The following ASTN1 variants were observed in gnomAD, a reference collection of about 807,000 sequenced individuals.
ASTN1 encodes the protein astrotactin 1, also known as astrotactin-1.
ASTN1 carries 41 observed loss-of-function variants against 140.7 expected under a neutral mutation model. The observed-to-expected ratio is 0.29, with a 90% CI of 0.23 to 0.38. The LOEUF is 0.38. Ranked by LOEUF, ASTN1 falls within the 10% of genes least tolerant of loss-of-function variation. The pLI is 1.00. For synonymous variants in ASTN1, 640 were observed against 652.2 expected (o/e 0.98, Z 0.29); for missense variants, 1,479 against 1,678.8 (o/e 0.88, Z 2.08).
intron 2 of ASTN1, among the ~76,000 whole-genome samples, chr1:177,035,357 G>C (rs1019806096): frequency 6.6e-6 from 1 of 152,134 alleles, no homozygotes; most frequent in Non-Finnish European, 1.5e-5. Flanking sequence ...AGGAGAGTAT[G>C]GATGAATACA....
intron 2 of ASTN1, among the ~76,000 whole-genome samples, chr1:177,044,180 C>A (rs1677105466): frequency 6.7e-6 from 1 of 150,110 alleles, no homozygotes; most frequent in Non-Finnish European, 1.5e-5. Context: ...AAAAAATACA[C>A]ACACACACAC....
At chr1:176,947,202 G>GA (rs1333403931) in intron 12 of ASTN1, among the ~76,000 whole-genome samples, 2 of 152,308 alleles carry the variant, frequency 1.3e-5, no homozygotes, top group Admixed American at 6.5e-5. Flanking sequence ...GTAGAAATGG[G>GA]AAAAAAGTAG....
At chr1:177,094,651 A>G (rs1448961569) in intron 1 of ASTN1, among the ~76,000 whole-genome samples, 1 of 152,214 alleles carries the variant, frequency 6.6e-6, no homozygotes, top group African/African-American at 2.4e-5. Context: ...ATTTTGTTAT[A>G]GCAGCCCGAA....
chr1:176,914,125 T>C (rs1220218003), intron 16 of ASTN1, among the ~76,000 whole-genome samples: 3 of 152,222 alleles, frequency 2.0e-5, no homozygotes, highest in Non-Finnish European at 4.4e-5. Context: ...ATAGTTCCTA[T>C]TTCAGAGATG....
intron 1 of ASTN1, among the ~76,000 whole-genome samples, chr1:177,160,121 G>A (rs1030582141): frequency 6.6e-6 from 1 of 152,060 alleles, no homozygotes; most frequent in Non-Finnish European, 1.5e-5. Context: ...AAAAAGAAAC[G>A]ATTTTGAAAA....
intron 2 of ASTN1, among the ~76,000 whole-genome samples, chr1:177,039,717 AGTGATT>A (rs1676884140): frequency 6.6e-6 from 1 of 152,246 alleles, no homozygotes; most frequent in African/African-American, 2.4e-5. Context: ...GATAAAATTC[AGTGATT>A]GTAAGAAATG....
At chr1:176,920,319 G>A (rs1195326725) in intron 16 of ASTN1, among the ~76,000 whole-genome samples, 1 of 152,138 alleles carries the variant, frequency 6.6e-6, no homozygotes, top group Non-Finnish European at 1.5e-5. Context: ...CAGCCTCAGT[G>A]GGCAGCCAAT....
chr1:177,055,731 T>G (rs1571717403), intron 2 of ASTN1, among the ~76,000 whole-genome samples: 1 of 152,352 alleles, frequency 6.6e-6, no homozygotes, highest in South Asian at 2.1e-4. Flanking sequence ...ATGTCTCCAT[T>G]TGTTGCTTAA....
intron 1 of ASTN1, among the ~76,000 whole-genome samples, chr1:177,151,049 A>T (rs1683008768): frequency 1.3e-5 from 2 of 152,160 alleles, no homozygotes; most frequent in African/African-American, 4.8e-5. Context: ...GAAAATACAG[A>T]GGGGCAGTAC....
chr1:177,029,333 A>C, intron 5 of ASTN1: 1 of 595,894 alleles, frequency 1.7e-6, no homozygotes, highest in Non-Finnish European at 3.3e-6. Flanking sequence ...GAACAGCAAA[A>C]TATGACTCCT....
chr1:176,935,735 G>T (rs887827352), intron 15 of ASTN1, among the ~76,000 whole-genome samples: 5 of 152,012 alleles, frequency 3.3e-5, no homozygotes, highest in Admixed American at 2.6e-4. Context: ...TAAAGAGAGG[G>T]CTAATATCTA....
intron 1 of ASTN1, among the ~76,000 whole-genome samples, chr1:177,122,615 C>G (rs551475296): frequency 9.8e-5 from 15 of 152,292 alleles, no homozygotes; most frequent in South Asian, 4.1e-4. Flanking sequence ...GGGCGACAGT[C>G]CCGTCCTGGC....
intron 2 of ASTN1, among the ~76,000 whole-genome samples, chr1:177,044,101 A>G (rs1360638614): frequency 6.6e-6 from 1 of 151,600 alleles, no homozygotes; most frequent in Admixed American, 6.6e-5. Context: ...AGCTAATTAC[A>G]TTTTTTGCTG....
chr1:177,095,905 T>C (rs928659423), intron 1 of ASTN1, among the ~76,000 whole-genome samples: 5 of 152,166 alleles, frequency 3.3e-5, no homozygotes, highest in African/African-American at 1.2e-4. Context: ...AGCAAAGCCA[T>C]GGGGGAATGG....
At chr1:177,025,748 C>A (rs1429053893) in intron 5 of ASTN1, among the ~76,000 whole-genome samples, 1 of 152,126 alleles carries the variant, frequency 6.6e-6, no homozygotes, top group Non-Finnish European at 1.5e-5. Context: ...TGGGAACCAC[C>A]CACTTTACAG....
intron 16 of ASTN1, 129 bp from the exon 17 acceptor site, chr1:176,894,959 G>A: frequency 7.7e-7 from 1 of 1,301,324 alleles, no homozygotes; most frequent in East Asian, 2.4e-5. Context: ...GTAAGAATGT[G>A]ATTCTGCCAT....
intron 1 of ASTN1, among the ~76,000 whole-genome samples, chr1:177,149,160 G>GTATATATAGTAAATATATAGTGTA (rs1482668012): frequency 3.1e-5 from 3 of 95,526 alleles, no homozygotes; most frequent in Non-Finnish European, 5.2e-5. Context: ...TATATATAGT[G>GTATATATAGTAAATATATAGTGTA]TATATATAGT....
chr1:177,017,656 C>T (rs192914630), intron 7 of ASTN1, among the ~76,000 whole-genome samples: 6 of 152,254 alleles, frequency 3.9e-5, no homozygotes, highest in African/African-American at 1.2e-4. Context: ...AGGACTCCAA[C>T]GGAGAGACGT....
At chr1:176,939,969 G>A (rs1238962761) in intron 14 of ASTN1, among the ~76,000 whole-genome samples, 1 of 152,056 alleles carries the variant, frequency 6.6e-6, no homozygotes, top group African/African-American at 2.4e-5. Context: ...AGGGATATAT[G>A]TATATTGCCC....
Sources: allele counts gnomAD v4.1 joint callset (sites outside exome capture counted in the v4.1 genomes callset), GRCh38; gene constraint gnomAD v4.1.1; transcripts MANE v1.5; gene names NCBI Gene and HGNC (gene_info 2026-07-23, HGNC 2026-07-21).